MMRN1: variants seen among roughly 807,000 people sequenced by gnomAD.
MMRN1 encodes multimerin-1.
MMRN1 carries 94 observed loss-of-function variants against 100.7 expected under a neutral mutation model. The observed-to-expected ratio is 0.93, with a 90% CI of 0.79 to 1.11. The LOEUF is 1.11. Among genes scored for constraint, MMRN1 ranks in the 50% least tolerant of loss-of-function variants. MMRN1 has a pLI of 0.00. For synonymous variants in MMRN1, 575 were observed against 505.0 expected (o/e 1.14, Z -1.86); for missense variants, 1,606 against 1,439.1 (o/e 1.12, Z -1.88).
chr4:89,918,274 T>C (rs1005187196), intron 3 of MMRN1, among the ~76,000 whole-genome samples: 1 of 151,574 alleles, frequency 6.6e-6, no homozygotes, highest in African/African-American at 2.4e-5. Flanking sequence ...TCCAGTTTAA[T>C]AAGGGGAATT....
chr4:89,893,207 G>T (rs572866837), upstream of MMRN1, among the ~76,000 whole-genome samples: 140 of 152,012 alleles, frequency 9.2e-4, no homozygotes, highest in Middle Eastern at 3.4e-3. Context: ...CTTTACTAAG[G>T]CAAGGTTTGT....
upstream of MMRN1, among the ~76,000 whole-genome samples, chr4:89,890,774 T>G (rs547901216): frequency 3.3e-5 from 5 of 152,244 alleles, no homozygotes; most frequent in East Asian, 9.7e-4. Context: ...TGTGAACTAT[T>G]CTTACATTCA....
At chr4:89,879,881 T>A (rs1009275941) in intron 1 of MMRN1, among the ~76,000 whole-genome samples, 2 of 152,260 alleles carry the variant, frequency 1.3e-5, no homozygotes, top group South Asian at 4.1e-4. Flanking sequence ...TGTTATCATG[T>A]TATTGTTTAT....
upstream of MMRN1, among the ~76,000 whole-genome samples, chr4:89,893,284 C>G (rs943690966): frequency 6.6e-6 from 1 of 151,724 alleles, no homozygotes. Context: ...ATTGGGGTTG[C>G]TGATGATTGT....
intron 3 of MMRN1, among the ~76,000 whole-genome samples, chr4:89,916,566 A>G (rs577920204): frequency 6.6e-6 from 1 of 151,790 alleles, no homozygotes; most frequent in East Asian, 1.9e-4. Flanking sequence ...CTCATTTTAT[A>G]TATATTATTT....
intron 4 of MMRN1, among the ~76,000 whole-genome samples, chr4:89,926,451 C>A (rs1449628876): frequency 6.6e-6 from 1 of 152,118 alleles, no homozygotes; most frequent in African/African-American, 2.4e-5. Context: ...ATATTCAAAT[C>A]TTTTGCCCTG....
chr4:89,901,483 C>T (rs746111442), intron 1 of MMRN1, among the ~76,000 whole-genome samples: 3 of 151,880 alleles, frequency 2.0e-5, no homozygotes, highest in Non-Finnish European at 4.4e-5. Context: ...TTTTTCTGCT[C>T]ATTTTGTGTG....
At chr4:89,890,977 T>G (rs1374526252), upstream of MMRN1, among the ~76,000 whole-genome samples, 1 of 152,014 alleles carries the variant, frequency 6.6e-6, no homozygotes, top group East Asian at 1.9e-4. Context: ...CACTCAAACC[T>G]AAATTTTCTT....
intron 3 of MMRN1, among the ~76,000 whole-genome samples, chr4:89,912,878 A>G (rs1446040066): frequency 6.6e-6 from 1 of 151,220 alleles, no homozygotes; most frequent in African/African-American, 2.4e-5. Context: ...AGTTAGGGAT[A>G]TTATTTATGG....
At chr4:89,946,367 C>G (rs1722986184) in intron 6 of MMRN1, among the ~76,000 whole-genome samples, 1 of 151,958 alleles carries the variant, frequency 6.6e-6, no homozygotes, top group African/African-American at 2.4e-5. Context: ...AGTTATCTGC[C>G]CTCTACAATG....
intron 3 of MMRN1, among the ~76,000 whole-genome samples, chr4:89,921,667 A>C (rs1167718862): frequency 6.6e-6 from 1 of 152,202 alleles, no homozygotes; most frequent in Admixed American, 6.5e-5. Flanking sequence ...CAACAATTAC[A>C]CAGGACTTTA....
chr4:89,944,842 A>G (rs1482010433), intron 6 of MMRN1, among the ~76,000 whole-genome samples: 1 of 152,204 alleles, frequency 6.6e-6, no homozygotes, highest in East Asian at 1.9e-4. Context: ...GGGACTTGAA[A>G]CAACGCGAGT....
Position 89,895,321 on chromosome 4 carries a change from T to C in MMRN1, c.350T>C (p.Leu117Pro). Residue 117 changes from leucine (L) to proline (P), a missense_variant, in exon 1 of 8, where the codon CTC (leucine) becomes CCC (proline). By Grantham distance (98) the Leu-to-Pro change is moderately conservative. Transcript: ENST00000264790. ...GTGGTCAAGTTACAGAATCTTACCCTCCCAACCAACGCTAGCATCAAGTTC... is the reference window on the plus strand; with the variant it reads ...GTGGTCAAGTTACAGAATCTTACCCCCCCAACCAACGCTAGCATCAAGTTC... ...EGVVKLQNLTLPTNASIKFNP... is the reference protein window; with the variant it reads ...EGVVKLQNLTPPTNASIKFNP... The C allele has an allele frequency of 6.2e-7, 1 of 1,613,396 alleles. No individual in the cohort carries two copies. The highest frequency in any genetic ancestry group is 8.5e-7 in the Non-Finnish European group (1 of 1,179,890).
At chr4:89,952,895 G>C (rs1358149612) in intron 7 of MMRN1, 102 bp from the exon 8 acceptor site, 4 of 1,190,026 alleles carry the variant, frequency 3.4e-6, no homozygotes, top group Non-Finnish European at 4.7e-6. Flanking sequence ...TTTCTCTTCT[G>C]CTAAGACTTT....
At chr4:89,932,717 G>A (rs532546504) in intron 5 of MMRN1, among the ~76,000 whole-genome samples, 8 of 152,094 alleles carry the variant, frequency 5.3e-5, no homozygotes, top group African/African-American at 7.2e-5. Flanking sequence ...GCCATGGTTG[G>A]GACACAGAGC....
intron 2 of MMRN1, among the ~76,000 whole-genome samples, chr4:89,911,377 TTCTC>T (rs1210513290): frequency 6.6e-6 from 1 of 150,666 alleles, no homozygotes; most frequent in Non-Finnish European, 1.5e-5. Context: ...CTCTCTGTCC[TTCTC>T]TCTCTCTCTC....
rs572625336 is a variant in MMRN1 at position 89,918,896 on chromosome 4, A to C, written c.851-4272A>C. On this transcript the variant is annotated intron_variant, in intron 3 of 7. Coordinates refer to ENST00000264790, the MANE Select transcript of MMRN1 (RefSeq NM_007351.3). Reference sequence around the variant, plus strand: ...TAGCATTAAAGATGTTTTTCCTTCTAATTTACTGAGATTTAAAAAAATTAA... The same window carrying C: ...TAGCATTAAAGATGTTTTTCCTTCTCATTTACTGAGATTTAAAAAAATTAA... Among the ~76,000 whole-genome samples, 3 of 151,878 alleles carry C rather than the reference A, an allele frequency of 2.0e-5. No homozygotes were observed. In the South Asian group the frequency reaches 6.2e-4, roughly 31 times the overall value.
rs185581544 is a variant in MMRN1 at position 89,943,787 on chromosome 4, C to T, written c.3118+6989C>T. On this transcript the variant is annotated intron_variant, in intron 6 of 7. Coordinates refer to ENST00000264790, the MANE Select transcript of MMRN1 (RefSeq NM_007351.3). ...TGCAGATCACTTAAGGCCAAGAGTT[C>T]GAGACCAGCCTGGCCAACCTGGCGA... 2.2e-3 allele frequency among the ~76,000 whole-genome samples: 334 copies of T among 152,148 alleles called. 5 individuals are homozygous for T. Among genetic ancestry groups the T allele is most frequent in the Middle Eastern group, 0.014 (4 of 294 alleles).
rs771420325 is a variant in MMRN1, at chr4:89,895,586, T to C, written c.615T>C (p.Thr205=). ...TDYQKSNFET[T]RGKNWCAYVH... is the part of the protein sequence containing the mutation. ...ACCAAAAATCAAATTTCGAAACAAC[T>C]AGAGGAAAGTAAGAAATCTTCTTTT... Residue 205 remains threonine (T), a synonymous_variant, in exon 1 of 8, where the codon ACT becomes ACC. Coordinates refer to ENST00000264790, the MANE Select transcript of MMRN1 (RefSeq NM_007351.3). 3.7e-6 allele frequency: 6 copies of C among 1,612,210 alleles called. No individual in the cohort carries two copies. Among genetic ancestry groups the C allele is most frequent in the African/African-American group, 2.7e-5 (2 of 74,746 alleles).
Sources: gnomAD v4.1 joint callset for allele counts (sites outside exome capture counted in the v4.1 genomes callset) on GRCh38, gnomAD v4.1.1 for gene constraint, MANE v1.5 for transcripts, NCBI Gene and HGNC (gene_info 2026-07-23, HGNC 2026-07-21) for gene names.